RAPGEF4: variants seen among roughly 807,000 people sequenced by gnomAD.
RAPGEF4 encodes the protein RAP guanine-nucleotide-exchange factor (GEF) 4.
RAPGEF4 carries 66 observed loss-of-function variants against 147.9 expected under a neutral mutation model. That is an observed-to-expected ratio of 0.45 (90% CI 0.37 to 0.55). The LOEUF (loss-of-function observed/expected upper bound fraction) is 0.55, where lower values mean the gene tolerates loss of function less well. Among genes scored for constraint, RAPGEF4 ranks in the 20% least tolerant of loss-of-function variants. The probability of loss-of-function intolerance (pLI) is 0.00; values close to 1 mark genes in which losing one functional copy is unlikely to be tolerated. For synonymous variants in RAPGEF4, 419 were observed against 442.7 expected, an observed-to-expected ratio of 0.95 and a Z score of 0.67; for missense variants, 1,071 against 1,257.3, an observed-to-expected ratio of 0.85 and a Z score of 2.24.
At chr2:172,975,592 G>C (rs1234957886) in intron 10 of RAPGEF4, among the ~76,000 whole-genome samples, 1 of 152,122 alleles carries the variant, frequency 6.6e-6, no homozygotes, top group Admixed American at 6.5e-5. Flanking sequence ...GTTGCCTCAA[G>C]TGTGTCCTCA....
At chr2:172,916,471 C>T (rs1684080763) in intron 4 of RAPGEF4, among the ~76,000 whole-genome samples, 1 of 151,960 alleles carries the variant, frequency 6.6e-6, no homozygotes, top group Non-Finnish European at 1.5e-5. Flanking sequence ...AATGCTGTCT[C>T]ATGAAGAAGA....
intron 4 of RAPGEF4, among the ~76,000 whole-genome samples, chr2:172,870,942 T>C (rs1051950578): frequency 2.0e-5 from 3 of 152,244 alleles, no homozygotes; most frequent in Non-Finnish European, 4.4e-5. Flanking sequence ...AACTCAATTC[T>C]AAATTTTTGG....
Position 172,931,135 on chromosome 2 carries a change from A to G in RAPGEF4, c.537+8835A>G, listed in dbSNP as rs1685877174. On this transcript the variant is annotated intron_variant, in intron 6 of 30. Coordinates refer to ENST00000397081, the MANE Select transcript of RAPGEF4 (RefSeq NM_007023.4). ...TGGTATAATGGTGATCTGACTTACC[A>G]CAATAAAAGGATTAGTAAGATCAAG... Among the ~76,000 whole-genome samples the G allele has an allele frequency of 4.1e-5, 5 of 121,558 alleles. No individual in the cohort carries two copies. The South Asian group carries it at 1.5e-3, about 37-fold the overall frequency. 79.7% of individuals were successfully genotyped at this position (121,558 alleles called of 152,430 possible).
chr2:172,917,349 AT>A, intron 4 of RAPGEF4: 1 of 429,680 alleles, frequency 2.3e-6, no homozygotes, highest in Non-Finnish European at 4.6e-6. Flanking sequence ...CAAAAAAGAC[AT>A]TTTTCTCAAG....
At chr2:172,923,113 C>G (rs1684931222) in intron 6 of RAPGEF4, among the ~76,000 whole-genome samples, 1 of 152,182 alleles carries the variant, frequency 6.6e-6, no homozygotes. Flanking sequence ...GATATACTCT[C>G]TGAATTCAAT....
intron 6 of RAPGEF4, among the ~76,000 whole-genome samples, chr2:172,941,097 G>C (rs1044013669): frequency 1.3e-5 from 2 of 152,094 alleles, no homozygotes; most frequent in Non-Finnish European, 2.9e-5. Context: ...TTACATATTA[G>C]TTCCAGGAGT....
intron 6 of RAPGEF4, among the ~76,000 whole-genome samples, chr2:172,934,476 A>G (rs557182196): frequency 1.2e-4 from 18 of 152,270 alleles, no homozygotes; most frequent in African/African-American, 3.9e-4. Flanking sequence ...TATATTAACT[A>G]ACATTTATTA....
intron 4 of RAPGEF4, among the ~76,000 whole-genome samples, chr2:172,868,544 C>G (rs547767555): frequency 6.6e-6 from 1 of 152,284 alleles, no homozygotes; most frequent in Admixed American, 6.5e-5. Context: ...GTGTACAGCT[C>G]TCTCCTGTGA....
chr2:172,968,761 C>T (rs949803238), intron 10 of RAPGEF4, among the ~76,000 whole-genome samples: 1 of 152,220 alleles, frequency 6.6e-6, no homozygotes, highest in Non-Finnish European at 1.5e-5. Context: ...CCAATGTATG[C>T]TTTCTCTGCC....
intron 6 of RAPGEF4, among the ~76,000 whole-genome samples, chr2:172,927,942 C>A (rs983444565): frequency 1.3e-5 from 2 of 152,162 alleles, no homozygotes; most frequent in Non-Finnish European, 2.9e-5. Flanking sequence ...AGTGAAACCA[C>A]AAAATGCTGA....
chr2:172,825,070 T>C (rs1275409918), intron 4 of RAPGEF4, among the ~76,000 whole-genome samples: 2 of 152,238 alleles, frequency 1.3e-5, no homozygotes, highest in South Asian at 4.1e-4. Context: ...GACCATTATA[T>C]ATACAGATGC....
chr2:172,900,351 C>T (rs965915630), intron 4 of RAPGEF4, among the ~76,000 whole-genome samples: 4 of 152,158 alleles, frequency 2.6e-5, no homozygotes, highest in Non-Finnish European at 5.9e-5. Flanking sequence ...GGGATGCTCC[C>T]ACCTCAGCTG....
intron 24 of RAPGEF4, 75 bp from the exon 25 acceptor site, chr2:173,027,006 C>G (rs1046538512): frequency 5.6e-5 from 75 of 1,348,098 alleles, no homozygotes; most frequent in Middle Eastern, 4.1e-4. Context: ...AAAACACTGT[C>G]TTGACAAATA....
intron 8 of RAPGEF4, among the ~76,000 whole-genome samples, chr2:172,963,185 A>G (rs902699746): frequency 2.0e-5 from 3 of 152,204 alleles, no homozygotes; most frequent in Non-Finnish European, 4.4e-5. Context: ...CCGTGATCCA[A>G]TCACCTCCCA....
chr2:172,931,705 G>C (rs1212088847), intron 6 of RAPGEF4, among the ~76,000 whole-genome samples: 1 of 152,210 alleles, frequency 6.6e-6, no homozygotes, highest in East Asian at 1.9e-4. Context: ...CAGCTGGCTT[G>C]TTTGGGGCAC....
intron 6 of RAPGEF4, among the ~76,000 whole-genome samples, chr2:172,955,871 C>A (rs1227404320): frequency 2.0e-5 from 3 of 152,156 alleles, no homozygotes; most frequent in African/African-American, 4.8e-5. Flanking sequence ...GTGGCCACTG[C>A]GACATCTTCT....
intron 1 of RAPGEF4, among the ~76,000 whole-genome samples, chr2:172,736,455 C>T (rs138295701): frequency 1.4e-4 from 21 of 152,260 alleles, no homozygotes; most frequent in African/African-American, 5.1e-4. Context: ...GGTGGGGGCA[C>T]CGGCAGGTGC....
intron 5 of RAPGEF4, among the ~76,000 whole-genome samples, chr2:172,918,691 C>G (rs896644865): frequency 6.6e-6 from 1 of 152,082 alleles, no homozygotes; most frequent in Non-Finnish European, 1.5e-5. Flanking sequence ...GGTTAGCGTT[C>G]GTTACCATTG....
chr2:172,792,949 A>T (rs999708935), intron 1 of RAPGEF4, among the ~76,000 whole-genome samples: 1 of 152,206 alleles, frequency 6.6e-6, no homozygotes, highest in African/African-American at 2.4e-5. Context: ...CTGGAACAAG[A>T]TACCACAAAC....
Sources: gnomAD v4.1 joint callset for allele counts (sites outside exome capture counted in the v4.1 genomes callset) on GRCh38, gnomAD v4.1.1 for gene constraint, MANE v1.5 for transcripts, NCBI Gene and HGNC (gene_info 2026-07-23, HGNC 2026-07-21) for gene names.